KMO: variants seen among roughly 807,000 people sequenced by gnomAD.
The protein encoded by KMO is kynurenine 3-monooxygenase.
A neutral mutation model predicts 57.8 loss-of-function variants in KMO; 24 were observed. That is an observed-to-expected ratio of 0.42 (90% CI 0.30 to 0.58). The LOEUF (loss-of-function observed/expected upper bound fraction) is 0.58, where lower values mean the gene tolerates loss of function less well. Among genes scored for constraint, KMO ranks in the 20% least tolerant of loss-of-function variants. KMO has a pLI of 0.22. For missense variants in KMO, 483 were observed against 588.2 expected, an observed-to-expected ratio of 0.82 and a Z score of 1.85; for synonymous variants, 210 against 193.6, an observed-to-expected ratio of 1.08 and a Z score of -0.70.
chr1:241,591,244 G>A (rs1277047333), intron 14 of KMO, among the ~76,000 whole-genome samples: 1 of 152,054 alleles, frequency 6.6e-6, no homozygotes, highest in Non-Finnish European at 1.5e-5. Context: ...AATCCTTCAA[G>A]GAGGGATAAA....
intron 10 of KMO, 71 bp from the exon 11 acceptor site, chr1:241,586,608 C>A: frequency 9.7e-7 from 1 of 1,031,804 alleles, no homozygotes; most frequent in South Asian, 1.4e-5. Flanking sequence ...AATATCTATT[C>A]AAAATCAATA....
intron 4 of KMO, among the ~76,000 whole-genome samples, chr1:241,552,175 TGAGAGA>T (rs35145528): frequency 0.13 from 14,231 of 111,010 alleles, 801 homozygotes; most frequent in African/African-American, 0.21. Context: ...TGAGTGTGTG[TGAGAGA>T]GAGAGAGAGA....
chr1:241,555,965 G>A (rs143077179), intron 5 of KMO, among the ~76,000 whole-genome samples: 89 of 152,188 alleles, frequency 5.8e-4, no homozygotes, highest in African/African-American at 1.8e-3. Flanking sequence ...TGTACCTATA[G>A]TCCCAGCTAC....
rs201483365 is a variant in KMO, at chr1:241,592,158, A to C, written c.*5A>C. 2 of 1,611,536 alleles carry C rather than the reference A, an allele frequency of 1.2e-6. No homozygotes were observed. The highest frequency in any genetic ancestry group is 2.2e-5 in the South Asian group (2 of 90,846). On this transcript the variant is annotated 3_prime_UTR_variant, in exon 15 of 15. Transcript: ENST00000366559. The stretch of plus-strand genomic sequence containing the variant: ...TCCAATCTCATTAGCAGGTGATAGA[A>C]AGGTTTTGTGGTAGCAAATGCATGA...
intron 10 of KMO, among the ~76,000 whole-genome samples, chr1:241,577,407 T>C (rs1662563728): frequency 6.6e-6 from 1 of 152,174 alleles, no homozygotes; most frequent in African/African-American, 2.4e-5. Flanking sequence ...AACTGTGTTT[T>C]TCTTTAATTT....
chr1:241,589,242 G>A (rs940180645), intron 12 of KMO, among the ~76,000 whole-genome samples: 8 of 148,768 alleles, frequency 5.4e-5, no homozygotes, highest in Non-Finnish European at 1.2e-4. Context: ...ATTATCCTTT[G>A]GAAACTTATG....
rs571118771 is a variant in KMO at position 241,574,357 on chromosome 1, G to A, written c.957+5710G>A. On this transcript the variant is annotated intron_variant, in intron 10 of 14. Coordinates refer to ENST00000366559, the MANE Select transcript of KMO (RefSeq NM_003679.5). Reference sequence around the variant, plus strand: ...TCCTTGCCTTGTTTCAGTTCTGAAGGGGAATTCTTCAGATTTTCCCCATTC... The same window carrying A: ...TCCTTGCCTTGTTTCAGTTCTGAAGAGGAATTCTTCAGATTTTCCCCATTC... Among the ~76,000 whole-genome samples the A allele has an allele frequency of 3.3e-5, 5 of 152,080 alleles. No individual in the cohort carries two copies. The South Asian group carries it at 8.3e-4, about 25-fold the overall frequency.
chr1:241,593,488 A>C lies in KMO; in HGVS notation c.*1335A>C. 1 of 315,188 alleles carries C rather than the reference A, an allele frequency of 3.2e-6. No individual in the cohort carries two copies. Among genetic ancestry groups the C allele is most frequent in the Non-Finnish European group, 7.4e-6 (1 of 135,454 alleles). 19.5% of individuals were successfully genotyped at this position (315,188 alleles called of 1,614,324 possible). On this transcript the variant is annotated 3_prime_UTR_variant, in exon 15 of 15. Coordinates refer to ENST00000366559, the MANE Select transcript of KMO (RefSeq NM_003679.5). ...TTCAGTGTTTCTTTTCTATATTGTC[A>C]ATGAAAACCTTGAGTTCTAATAATC...
intron 11 of KMO, among the ~76,000 whole-genome samples, chr1:241,588,294 T>C (rs1157911024): frequency 6.6e-6 from 1 of 150,588 alleles, no homozygotes; most frequent in Admixed American, 6.6e-5. Flanking sequence ...GAAGAGATCA[T>C]AGAATTCCAG....
chr1:241,547,193 G>A (rs1272759358), intron 1 of KMO, among the ~76,000 whole-genome samples: 2 of 151,958 alleles, frequency 1.3e-5, no homozygotes, highest in East Asian at 3.9e-4. Context: ...TCTCAGAATA[G>A]GCAAAGATCT....
rs564841489 is a variant in KMO at position 241,554,564 on chromosome 1, A to C, written c.313-1048A>C. On this transcript the variant is annotated intron_variant, in intron 4 of 14. Coordinates refer to ENST00000366559, the MANE Select transcript of KMO (RefSeq NM_003679.5). ...GCTGGGATTACAGGGATAAGCCACC[A>C]TGCCTGGCCACTTTTTTCCTCCTGA... Among the ~76,000 whole-genome samples, 41 of 151,720 alleles carry C rather than the reference A, an allele frequency of 2.7e-4. No homozygotes were observed. In the South Asian group the frequency reaches 7.8e-3, roughly 29 times the overall value.
intron 10 of KMO, among the ~76,000 whole-genome samples, chr1:241,569,373 A>T (rs1662195121): frequency 6.6e-6 from 1 of 151,604 alleles, no homozygotes; most frequent in Admixed American, 6.6e-5. Flanking sequence ...CATAAGTTTA[A>T]TTTTTATAGC....
At chr1:241,591,871 C>T (rs942777064) in intron 14 of KMO, 82 bp from the exon 15 acceptor site, 6 of 1,062,090 alleles carry the variant, frequency 5.6e-6, no homozygotes, top group Non-Finnish European at 5.8e-6. Flanking sequence ...ACATTGTTTA[C>T]CCCTTTGTTG....
At chr1:241,563,402 C>A (rs1486320663) in intron 7 of KMO, among the ~76,000 whole-genome samples, 3 of 152,186 alleles carry the variant, frequency 2.0e-5, no homozygotes, top group East Asian at 3.9e-4. Flanking sequence ...TAAATCCAGA[C>A]AAGGGTAAAA....
chr1:241,567,643 A>G lies in KMO; in HGVS notation c.810-857A>G, dbSNP rs527782138. 9.2e-5 allele frequency among the ~76,000 whole-genome samples: 14 copies of G among 152,304 alleles called. No individual in the cohort carries two copies. In the East Asian group the frequency reaches 2.3e-3, roughly 25 times the overall value. On this transcript the variant is annotated intron_variant, in intron 9 of 14. Coordinates refer to ENST00000366559, the MANE Select transcript of KMO (RefSeq NM_003679.5). Reference sequence around the variant, plus strand: ...GGTATCTACCATGGGGCATTTGTGAAAATTAAATGAGCTAATTATGTAAAA... The same window carrying G: ...GGTATCTACCATGGGGCATTTGTGAGAATTAAATGAGCTAATTATGTAAAA...
intron 1 of KMO, among the ~76,000 whole-genome samples, chr1:241,541,239 G>A (rs1261269190): frequency 6.6e-6 from 1 of 152,018 alleles, no homozygotes; most frequent in Non-Finnish European, 1.5e-5. Flanking sequence ...GACTGAAGAG[G>A]AACAATCAAT....
intron 4 of KMO, among the ~76,000 whole-genome samples, chr1:241,551,900 G>T (rs1305215054): frequency 6.6e-6 from 1 of 152,094 alleles, no homozygotes; most frequent in Non-Finnish European, 1.5e-5. Flanking sequence ...TGGAGGCGGA[G>T]GTTCTACGTT....
chr1:241,554,720 C>A (rs1284109971), intron 4 of KMO, among the ~76,000 whole-genome samples: 1 of 151,054 alleles, frequency 6.6e-6, no homozygotes, highest in African/African-American at 2.4e-5. Flanking sequence ...CCTGTAATCC[C>A]AGCACTTTGG....
At chr1:241,565,150 T>TG in intron 8 of KMO, 92 bp downstream of exon 8, 1 of 766,714 alleles carries the variant, frequency 1.3e-6, no homozygotes, top group Non-Finnish European at 2.3e-6. Context: ...TCTACCTAAT[T>TG]GATCTCTTCA....
Sources: allele counts gnomAD v4.1 joint callset (sites outside exome capture counted in the v4.1 genomes callset), GRCh38; gene constraint gnomAD v4.1.1; transcripts MANE v1.5; gene names NCBI Gene and HGNC (gene_info 2026-07-23, HGNC 2026-07-21).